SPRY3: variants seen among roughly 807,000 people sequenced by gnomAD.
SPRY3 encodes the protein protein sprouty homolog 3.
A neutral mutation model predicts 20.2 loss-of-function variants in SPRY3; 15 were observed. The ratio of observed to expected loss-of-function variants is 0.74; its 90% CI spans 0.50 to 1.14. The LOEUF (loss-of-function observed/expected upper bound fraction) is 1.14, where lower values mean the gene tolerates loss of function less well. SPRY3 is among the 50% of genes most tolerant of loss of function. The pLI, the probability that SPRY3 is intolerant of heterozygous loss-of-function variation, is 0.00. For missense variants in SPRY3, 364 were observed against 363.9 expected, an observed-to-expected ratio of 1.00 and a Z score of 0.00; for synonymous variants, 143 against 136.5, an observed-to-expected ratio of 1.05 and a Z score of -0.33.
chrX:155,716,472 T>C (rs1249442236), intron 2 of SPRY3, among the ~76,000 whole-genome samples: 1 of 152,184 alleles, frequency 6.6e-6, no homozygotes, highest in Non-Finnish European at 1.5e-5. Context: ...CTCCTGATTA[T>C]GGGCTTCATT....
At chrX:155,661,623 T>C (rs2068010080) in intron 2 of SPRY3, among the ~76,000 whole-genome samples, 1 of 111,579 alleles carries the variant, frequency 9.0e-6, no homozygotes, top group Non-Finnish European at 1.9e-5. Flanking sequence ...CCTCAATAGG[T>C]TTTCCAAACT....
intron 2 of SPRY3, among the ~76,000 whole-genome samples, chrX:155,677,082 C>A (rs111513083): frequency 9.0e-6 from 1 of 111,531 alleles, no homozygotes; most frequent in Non-Finnish European, 1.9e-5. Flanking sequence ...TGTATATTTG[C>A]ATTTCTCACA....
chrX:155,730,622 T>TC (rs1405594926), intron 2 of SPRY3, among the ~76,000 whole-genome samples: 2 of 152,046 alleles, frequency 1.3e-5, no homozygotes, highest in East Asian at 3.9e-4. Context: ...ATGCTTTTTT[T>TC]CACCACTGTT....
chrX:155,712,287 G>A (rs756762324), intron 2 of SPRY3, among the ~76,000 whole-genome samples: 2 of 152,014 alleles, frequency 1.3e-5, no homozygotes, highest in South Asian at 4.1e-4. Context: ...TTAAAGTGGG[G>A]TATTGAAGCC....
intron 1 of SPRY3, among the ~76,000 whole-genome samples, chrX:155,643,947 GT>G (rs2067950006): frequency 9.0e-6 from 1 of 110,917 alleles, no homozygotes; most frequent in South Asian, 3.8e-4. Flanking sequence ...TGTTTTTTCT[GT>G]GTACTTACTA....
At chrX:155,645,623 C>G (rs1000050113) in intron 1 of SPRY3, among the ~76,000 whole-genome samples, 1 of 112,337 alleles carries the variant, frequency 8.9e-6, no homozygotes, top group Non-Finnish European at 1.9e-5. Flanking sequence ...AATGCAATGT[C>G]TCACAGTTGT....
At chrX:155,750,811 G>A (rs2091258657) in intron 2 of SPRY3, among the ~76,000 whole-genome samples, 1 of 151,760 alleles carries the variant, frequency 6.6e-6, no homozygotes, top group Non-Finnish European at 1.5e-5. Flanking sequence ...GTCCACTTGA[G>A]GTTAATGGTC....
At chrX:155,635,177 GT>G (rs2067919297) in intron 1 of SPRY3, among the ~76,000 whole-genome samples, 1 of 110,649 alleles carries the variant, frequency 9.0e-6, no homozygotes, top group Admixed American at 9.7e-5. Flanking sequence ...GAGAATGATG[GT>G]TTCCAGCTTC....
At chrX:155,625,120 T>G (rs2162139) in intron 1 of SPRY3, among the ~76,000 whole-genome samples, 1 of 111,254 alleles carries the variant, frequency 9.0e-6, no homozygotes, top group Non-Finnish European at 1.9e-5. Flanking sequence ...TCAATTTTTT[T>G]AATTTTAATT....
intron 1 of SPRY3, among the ~76,000 whole-genome samples, chrX:155,656,312 T>TC (rs1371315771): frequency 4.5e-5 from 5 of 111,233 alleles, no homozygotes; most frequent in Non-Finnish European, 9.4e-5. Context: ...AATCTTTTTT[T>TC]CTCTAATCTT....
chrX:155,735,611 G>A (rs1167460587), intron 2 of SPRY3, among the ~76,000 whole-genome samples: 3 of 151,938 alleles, frequency 2.0e-5, no homozygotes, highest in Admixed American at 6.6e-5. Flanking sequence ...TGCTTCATGC[G>A]ATATTGATAC....
chrX:155,733,643 T>A (rs1028027240), intron 2 of SPRY3, among the ~76,000 whole-genome samples: 5 of 151,898 alleles, frequency 3.3e-5, no homozygotes, highest in African/African-American at 1.2e-4. Flanking sequence ...AACAAGAGAG[T>A]CAGCCTGTCC....
At chrX:155,766,880 C>T (rs1026395460) in intron 2 of SPRY3, among the ~76,000 whole-genome samples, 2 of 152,066 alleles carry the variant, frequency 1.3e-5, no homozygotes, top group African/African-American at 4.8e-5. Flanking sequence ...TTCCCAGTGG[C>T]AATGGATGGG....
chrX:155,709,963 T>A (rs1171515604), intron 2 of SPRY3, among the ~76,000 whole-genome samples: 1 of 151,676 alleles, frequency 6.6e-6, no homozygotes, highest in African/African-American at 2.4e-5. Context: ...AGAAAGTGAG[T>A]TCACTGTAGG....
intron 2 of SPRY3, among the ~76,000 whole-genome samples, chrX:155,717,151 T>C (rs2091028934): frequency 6.8e-6 from 1 of 146,658 alleles, no homozygotes; most frequent in Admixed American, 6.8e-5. Flanking sequence ...AGAGTGAGAC[T>C]GTCAAAAAAA....
At chrX:155,710,113 C>A (rs1348800639) in intron 2 of SPRY3, among the ~76,000 whole-genome samples, 1 of 151,638 alleles carries the variant, frequency 6.6e-6, no homozygotes, top group African/African-American at 2.4e-5. Context: ...CAGTTTTCTT[C>A]TTTTTGCTCA....
At chrX:155,774,991 C>A in exon 4 of SPRY3, 1 of 581,468 alleles carries the variant, frequency 1.7e-6, no homozygotes, top group Non-Finnish European at 3.1e-6. Flanking sequence ...ATGGCAAATT[C>A]AGGTGATATA....
Position 155,728,538 on chromosome X carries a change from A to C in SPRY3, c.-281-39424A>C, listed in dbSNP as rs543687341. ...CAATGGTGGACGCCCCTCCCCCTCC[A>C]GGCTGCAGCCTTGCAGGTTGATCTC... On this transcript the variant is annotated intron_variant, in intron 2 of 3. Transcript: ENST00000675360. Among the ~76,000 whole-genome samples the C allele has an allele frequency of 1.6e-3, 239 of 152,206 alleles. 6 individuals carry two copies. The South Asian group carries it at 0.048, about 30-fold the overall frequency.
chrX:155,693,255 T>C (rs984541217), intron 2 of SPRY3, among the ~76,000 whole-genome samples: 1 of 112,085 alleles, frequency 8.9e-6, no homozygotes, highest in Non-Finnish European at 1.9e-5. Flanking sequence ...TTTAGAAGTG[T>C]ATTTTTAAAT....
Sources: gnomAD v4.1 joint callset for allele counts (sites outside exome capture counted in the v4.1 genomes callset) on GRCh38, gnomAD v4.1.1 for gene constraint, MANE v1.5 for transcripts, NCBI Gene and HGNC (gene_info 2026-07-23, HGNC 2026-07-21) for gene names.